SUGCT: variants seen among roughly 807,000 people sequenced by gnomAD.
SUGCT encodes the protein succinyl-CoA:glutarate-CoA transferase.
A neutral mutation model predicts 55.0 loss-of-function variants in SUGCT; 41 were observed. That is an observed-to-expected ratio of 0.74 (90% CI 0.58 to 0.97). SUGCT has a LOEUF of 0.97. Ranked by LOEUF, SUGCT falls within the 50% of genes least tolerant of loss-of-function variation. The pLI, the probability that SUGCT is intolerant of heterozygous loss-of-function variation, is 0.00. For synonymous variants in SUGCT, 187 were observed against 200.4 expected, an observed-to-expected ratio of 0.93 and a Z score of 0.56; for missense variants, 568 against 547.8, an observed-to-expected ratio of 1.04 and a Z score of -0.37.
At chr7:40,732,449 T>G (rs62449364) in intron 12 of SUGCT, among the ~76,000 whole-genome samples, 20,784 of 152,256 alleles carry the variant, frequency 0.14, 1,604 homozygotes, top group Non-Finnish European at 0.17. Context: ...TTGAGATCTT[T>G]GGATGACCAT....
intron 12 of SUGCT, among the ~76,000 whole-genome samples, chr7:40,606,278 A>G (rs1798532483): frequency 6.6e-6 from 1 of 152,242 alleles, no homozygotes; most frequent in East Asian, 1.9e-4. Flanking sequence ...GCATTGAAGA[A>G]GACTGAAAGT....
At chr7:40,387,833 T>G (rs1562738173) in intron 9 of SUGCT, 1 of 152,214 alleles carries the variant, frequency 6.6e-6, no homozygotes, top group Non-Finnish European at 1.5e-5. Context: ...ACTTTACATC[T>G]TGGTGCTTTC....
At chr7:40,394,793 T>G (rs1008900039) in intron 9 of SUGCT, among the ~76,000 whole-genome samples, 1 of 152,246 alleles carries the variant, frequency 6.6e-6, no homozygotes, top group Non-Finnish European at 1.5e-5. Context: ...TTCTATTTTA[T>G]TTTTTATGCC....
At chr7:40,624,310 A>T (rs6962853) in intron 12 of SUGCT, among the ~76,000 whole-genome samples, 20,652 of 152,156 alleles carry the variant, frequency 0.14, 1,541 homozygotes, top group Middle Eastern at 0.2. Context: ...TGATAACCTC[A>T]TATCTATATG....
rs548664896 is a variant in SUGCT at position 40,589,933 on chromosome 7, T to C, written c.1089+93547T>C. ...TTCACTTAATTACAGTGTGCAGATA[T>C]TGCTTTTTTAACACATTGAAGTTTT... On this transcript the variant is annotated intron_variant, in intron 12 of 13. Transcript: ENST00000335693. 5.3e-5 allele frequency among the ~76,000 whole-genome samples: 8 copies of C among 152,322 alleles called. No individual in the cohort carries two copies. The South Asian group carries it at 6.2e-4, about 12-fold the overall frequency.
At chr7:40,391,309 T>C (rs1287247124) in intron 9 of SUGCT, among the ~76,000 whole-genome samples, 6 of 152,172 alleles carry the variant, frequency 3.9e-5, no homozygotes, top group Non-Finnish European at 7.3e-5. Context: ...AAAGAGCTTC[T>C]GCACAGCAAA....
At chr7:40,302,838 C>G (rs1215659460) in intron 8 of SUGCT, among the ~76,000 whole-genome samples, 1 of 152,116 alleles carries the variant, frequency 6.6e-6, no homozygotes, top group Non-Finnish European at 1.5e-5. Flanking sequence ...CTGCCTACCC[C>G]AAGCCTCAGT....
intron 12 of SUGCT, among the ~76,000 whole-genome samples, chr7:40,517,306 TTTC>T (rs1793296668): frequency 6.6e-6 from 1 of 151,916 alleles, no homozygotes; most frequent in Non-Finnish European, 1.5e-5. Context: ...TCTGGATGAC[TTTC>T]TTTTCTTGTC....
chr7:40,215,488 G>A (rs1041692932), intron 6 of SUGCT, among the ~76,000 whole-genome samples: 2 of 151,998 alleles, frequency 1.3e-5, no homozygotes, highest in Non-Finnish European at 2.9e-5. Flanking sequence ...GCAGAACTTT[G>A]AGGATACTAG....
intron 9 of SUGCT, among the ~76,000 whole-genome samples, chr7:40,409,071 C>T (rs35438068): frequency 0.096 from 14,667 of 152,206 alleles, 1,015 homozygotes; most frequent in Admixed American, 0.21. Context: ...CCTCCCACCC[C>T]AGCCTCCTGA....
At chr7:40,318,505 C>T (rs1795553011) in intron 9 of SUGCT, among the ~76,000 whole-genome samples, 1 of 152,216 alleles carries the variant, frequency 6.6e-6, no homozygotes, top group African/African-American at 2.4e-5. Flanking sequence ...GGCACGATCT[C>T]AGCTCCCTGC....
At chr7:40,860,127 A>G (rs1794417334) in intron 13 of SUGCT, among the ~76,000 whole-genome samples, 189 bp from the exon 14 acceptor site, 1 of 152,222 alleles carries the variant, frequency 6.6e-6, no homozygotes, top group Non-Finnish European at 1.5e-5. Context: ...GCACATTTGG[A>G]TGAACCTGAG....
At chr7:40,873,973 C>A in the SUGCT span, among the ~76,000 whole-genome samples, 1 of 152,336 alleles carries the variant, frequency 6.6e-6, no homozygotes, top group African/African-American at 2.4e-5. Context: ...AGACTCATAT[C>A]AGCAGAGGCA....
chr7:40,901,928 C>T, the SUGCT span, among the ~76,000 whole-genome samples: 8 of 152,106 alleles, frequency 5.3e-5, no homozygotes, highest in Non-Finnish European at 1.2e-4. Context: ...AGGAGCCTTG[C>T]GGTGCACATC....
At chr7:41,031,574 A>T in the SUGCT span, among the ~76,000 whole-genome samples, 13 of 152,288 alleles carry the variant, frequency 8.5e-5, no homozygotes, top group African/African-American at 3.1e-4. Flanking sequence ...TGCTTTCTGG[A>T]CAAGGGCATC....
At chr7:40,790,509 G>C (rs1365372510) in intron 13 of SUGCT, among the ~76,000 whole-genome samples, 3 of 152,162 alleles carry the variant, frequency 2.0e-5, no homozygotes, top group Non-Finnish European at 1.5e-5. Context: ...TGATACAGAG[G>C]AGAGATTTCT....
intron 9 of SUGCT, among the ~76,000 whole-genome samples, chr7:40,402,487 TTC>T: frequency 6.6e-6 from 1 of 152,302 alleles, no homozygotes; most frequent in Middle Eastern, 3.4e-3. Flanking sequence ...TTTCATAAAC[TTC>T]TATGGGGGAA....
At chr7:40,858,615 G>GGAGA (rs1794322266) in intron 13 of SUGCT, among the ~76,000 whole-genome samples, 2 of 152,058 alleles carry the variant, frequency 1.3e-5, no homozygotes, top group Admixed American at 1.3e-4. Flanking sequence ...GAACAGAGTT[G>GGAGA]GAGAGAGCAA....
chr7:40,895,720 C>A, the SUGCT span, among the ~76,000 whole-genome samples: 2 of 151,978 alleles, frequency 1.3e-5, no homozygotes, highest in African/African-American at 4.8e-5. Context: ...AAAATGTGTA[C>A]AAAACCACAA....
Sources: gnomAD v4.1 joint callset for allele counts (sites outside exome capture counted in the v4.1 genomes callset) on GRCh38, gnomAD v4.1.1 for gene constraint, MANE v1.5 for transcripts, NCBI Gene and HGNC (gene_info 2026-07-23, HGNC 2026-07-21) for gene names.